KSR2: variants seen among roughly 807,000 people sequenced by gnomAD.
The protein encoded by KSR2 is kinase suppressor of ras 2.
Under a neutral mutation model 107.8 loss-of-function variants are expected in KSR2, and 25 were observed. The ratio of observed to expected loss-of-function variants is 0.23; its 90% confidence interval spans 0.17 to 0.32. KSR2 has a LOEUF of 0.32. KSR2 is among the 10% of genes least tolerant of loss of function. The pLI is 1.00. For missense variants in KSR2, 887 were observed against 1,268.9 expected (o/e 0.70, Z 4.57); for synonymous variants, 480 against 507.0 (o/e 0.95, Z 0.71).
At chr12:117,570,088 C>T (rs1009372776) in intron 7 of KSR2, among the ~76,000 whole-genome samples, 4 of 151,960 alleles carry the variant, frequency 2.6e-5, no homozygotes, top group Non-Finnish European at 5.9e-5. Flanking sequence ...CTGCAAGCTC[C>T]GCCTCCCAGG....
chr12:117,939,051 C>T (rs541900334), intron 1 of KSR2, among the ~76,000 whole-genome samples: 5 of 151,254 alleles, frequency 3.3e-5, no homozygotes, highest in African/African-American at 7.3e-5. Context: ...CTGAAGACAG[C>T]GTGTAAGAAT....
intron 3 of KSR2, among the ~76,000 whole-genome samples, chr12:117,767,563 G>C (rs1287359923): frequency 6.6e-6 from 1 of 151,924 alleles, no homozygotes; most frequent in South Asian, 2.1e-4. Flanking sequence ...ACTTCGGAAG[G>C]CCAAGGTGGG....
Position 117,740,716 on chromosome 12 carries a change from G to A in KSR2, c.986+20295C>T, listed in dbSNP as rs766612142. Among the ~76,000 whole-genome samples the A allele has an allele frequency of 2.1e-3, 305 of 148,284 alleles. 6 individuals carry two copies. The highest frequency in any genetic ancestry group is 0.017 in the Middle Eastern group (5 of 288). On this transcript the variant is annotated intron_variant, in intron 4 of 19. Transcript: ENST00000339824. ...ATACACCACAATTTATCCACTCATCGATTGATAAGCATTTGGGCTGGTTCC... is the reference window on the plus strand; with the variant it reads ...ATACACCACAATTTATCCACTCATCAATTGATAAGCATTTGGGCTGGTTCC...
chr12:117,556,085 A>G (rs1877676278), intron 8 of KSR2, among the ~76,000 whole-genome samples: 1 of 152,174 alleles, frequency 6.6e-6, no homozygotes, highest in African/African-American at 2.4e-5. Context: ...TCACCATGGA[A>G]ACTGACTATA....
intron 3 of KSR2, among the ~76,000 whole-genome samples, chr12:117,841,609 A>C (rs921389839): frequency 2.0e-5 from 3 of 152,182 alleles, no homozygotes; most frequent in African/African-American, 7.2e-5. Flanking sequence ...AAAAGCCCCA[A>C]AGGGTTGCTC....
chr12:117,870,376 G>A (rs1365896240), intron 1 of KSR2, among the ~76,000 whole-genome samples: 1 of 152,062 alleles, frequency 6.6e-6, no homozygotes, highest in African/African-American at 2.4e-5. Context: ...AGAGGCGGGT[G>A]GATCACCTGA....
intron 1 of KSR2, among the ~76,000 whole-genome samples, chr12:117,875,232 C>G (rs907141600): frequency 6.6e-6 from 1 of 152,096 alleles, no homozygotes; most frequent in African/African-American, 2.4e-5. Context: ...AAATGGGGAA[C>G]TTTTCACTCC....
rs1385948481 is a variant in KSR2 at position 117,473,917 on chromosome 12, G to A, written c.2582+2547C>T. ...CTCACCTGTCAATTGGGAGCAACAT[G>A]GTATCTGCTTCCAAGGGTGCTTGTA... On this transcript the variant is annotated intron_variant, in intron 17 of 19. Transcript: ENST00000339824. Among the ~76,000 whole-genome samples the A allele has an allele frequency of 2.0e-5, 3 of 152,134 alleles. No homozygotes were observed. The East Asian group carries it at 5.8e-4, about 29-fold the overall frequency.
chr12:117,861,813 T>G (rs1893307670), intron 1 of KSR2, among the ~76,000 whole-genome samples: 1 of 152,152 alleles, frequency 6.6e-6, no homozygotes, highest in African/African-American at 2.4e-5. Flanking sequence ...CAAAATTAAC[T>G]CTTTTAAAAT....
At chr12:117,670,948 C>T (rs891157339) in intron 4 of KSR2, among the ~76,000 whole-genome samples, 1 of 152,162 alleles carries the variant, frequency 6.6e-6, no homozygotes, top group Non-Finnish European at 1.5e-5. Context: ...CCCACAGAGT[C>T]GGGGTAACTT....
In KSR2 at chr12:117,926,647, C is replaced by G. The variant is rs182754917; in HGVS notation, c.180+41429G>C. ...CATCCACAGGAGAAAAATCACCCAG[C>G]AGCCACCAGCGGTGACAGCCCCAGA... On this transcript the variant is annotated intron_variant, in intron 1 of 19. Coordinates refer to ENST00000339824, the MANE Select transcript of KSR2 (RefSeq NM_173598.6). 1.6e-4 allele frequency among the ~76,000 whole-genome samples: 24 copies of G among 152,344 alleles called. No individual in the cohort carries two copies. In the East Asian group the frequency reaches 4.4e-3, roughly 28 times the overall value.
rs138615627 is a variant in KSR2, at chr12:117,460,589, C to G, written c.*6610G>C. On this transcript the variant is annotated 3_prime_UTR_variant, in exon 20 of 20. Transcript: ENST00000339824. The stretch of plus-strand genomic sequence containing the variant: ...AGTATGGTCCCTGCCAGCCCCTGCA[C>G]CCTCCCTTCCACAACTTCCTGCTTT... 3 of 152,400 alleles carry G rather than the reference C, an allele frequency of 2.0e-5. No individual in the cohort carries two copies. Among genetic ancestry groups the G allele is most frequent in the African/African-American group, 7.2e-5 (3 of 41,546 alleles). 9.4% of individuals were successfully genotyped at this position (152,400 alleles called of 1,614,324 possible). A position where few individuals can be genotyped will look rare whatever the true frequency, so the allele number is the denominator to read the frequency against.
intron 4 of KSR2, among the ~76,000 whole-genome samples, chr12:117,731,462 G>A (rs1009421021): frequency 1.4e-5 from 2 of 138,556 alleles, no homozygotes; most frequent in Admixed American, 1.4e-4. Context: ...GGAGGTGGGG[G>A]GCGCCTCTGC....
intron 5 of KSR2, among the ~76,000 whole-genome samples, chr12:117,605,456 G>T (rs1225017551): frequency 1.3e-5 from 2 of 152,156 alleles, no homozygotes; most frequent in Admixed American, 1.3e-4. Flanking sequence ...AGGTAAATGT[G>T]TGCCATGGTG....
At chr12:117,626,683 TG>T (rs1882537057) in intron 5 of KSR2, among the ~76,000 whole-genome samples, 1 of 152,282 alleles carries the variant, frequency 6.6e-6, no homozygotes, top group African/African-American at 2.4e-5. Flanking sequence ...TATACTCTGT[TG>T]ATTTGGGGTG....
chr12:117,547,662 G>T (rs189245573), intron 9 of KSR2, among the ~76,000 whole-genome samples: 1 of 152,278 alleles, frequency 6.6e-6, no homozygotes, highest in East Asian at 1.9e-4. Flanking sequence ...TTGGGTAAAA[G>T]TTTTCTTGCT....
intron 3 of KSR2, among the ~76,000 whole-genome samples, chr12:117,853,054 C>T (rs983556336): frequency 3.3e-5 from 5 of 152,096 alleles, no homozygotes; most frequent in East Asian, 1.9e-4. Flanking sequence ...CCACCGGCCT[C>T]GGCCTCCTAA....
At chr12:117,847,936 A>G (rs1470118637) in intron 3 of KSR2, among the ~76,000 whole-genome samples, 2 of 152,214 alleles carry the variant, frequency 1.3e-5, no homozygotes, top group Non-Finnish European at 2.9e-5. Flanking sequence ...AGATGCAGAG[A>G]AAGTGCTTGA....
intron 1 of KSR2, among the ~76,000 whole-genome samples, chr12:117,887,126 G>C (rs1204446110): frequency 6.6e-6 from 1 of 151,914 alleles, no homozygotes; most frequent in Non-Finnish European, 1.5e-5. Context: ...GTCTTGCTCT[G>C]TTGCCTAGGC....
Sources: allele counts gnomAD v4.1 joint callset (sites outside exome capture counted in the v4.1 genomes callset), GRCh38; gene constraint gnomAD v4.1.1; transcripts MANE v1.5; gene names NCBI Gene and HGNC (gene_info 2026-07-23, HGNC 2026-07-21).